Variants in EPB41L1 observed in about 807,000 individuals in gnomAD.
EPB41L1 encodes the protein erythrocyte membrane protein band 4.1 like 1.
A neutral mutation model predicts 97.8 loss-of-function variants in EPB41L1; 29 were observed. The observed-to-expected ratio is 0.30, with a 90% CI of 0.22 to 0.40. The LOEUF (loss-of-function observed/expected upper bound fraction) is 0.40. Ranked by LOEUF, EPB41L1 falls within the 10% of genes least tolerant of loss-of-function variation. The pLI is 1.00. For synonymous variants in EPB41L1, 383 were observed against 459.2 expected (o/e 0.83, Z 2.12); for missense variants, 812 against 1,162.3 (o/e 0.70, Z 4.38).
Position 36,204,575 on chromosome 20 carries a change from C to T in EPB41L1, c.1669-4913C>T, listed in dbSNP as rs545473629. Among the ~76,000 whole-genome samples, 32 of 151,074 alleles carry T rather than the reference C, an allele frequency of 2.1e-4. No individual in the cohort carries two copies. In the Middle Eastern group the frequency reaches 0.01, roughly 48 times the overall value. On this transcript the variant is annotated intron_variant, in intron 14 of 21. Transcript: ENST00000338074. Reference sequence around the variant, plus strand: ...TCTCGGCTCACCGCAACCTCTGCCCCGCAGGTCCAAGCAATTCTCCTGCCT... The same window carrying T: ...TCTCGGCTCACCGCAACCTCTGCCCTGCAGGTCCAAGCAATTCTCCTGCCT...
chr20:36,173,712 T>C, intron 1 of EPB41L1, 52 bp from the exon 2 acceptor site: 1 of 1,553,024 alleles, frequency 6.4e-7, no homozygotes, highest in Non-Finnish European at 8.9e-7. Context: ...CCTCTCGCTG[T>C]CATACCATTG....
At chr20:36,091,733 C>T (rs1343715705) in intron 1 of EPB41L1, 1 of 152,208 alleles carries the variant, frequency 6.6e-6, no homozygotes, top group Non-Finnish European at 1.5e-5. Context: ...GAGGCTCAGG[C>T]TCATTATTCC....
rs749926283 is a variant in EPB41L1 at position 36,219,767 on chromosome 20, G to A, written c.2362G>A (p.Gly788Arg). The A allele has an allele frequency of 2.7e-5, 44 of 1,613,934 alleles. No individual in the cohort carries two copies. Among genetic ancestry groups the A allele is most frequent in the East Asian group, 4.5e-5 (2 of 44,888 alleles). The change falls in exon 19 of 22, where the codon GGG becomes AGG. Residue 788 changes from glycine to arginine, a missense_variant. Around this residue, in one of 3 missense-constraint regions of EPB41L1, gnomAD observed 498 missense variants for 622.7 expected, o/e 0.80. Coordinates refer to ENST00000338074, the MANE Select transcript of EPB41L1 (RefSeq NM_012156.2). ...GGGTGGTTATATTCTGCAGATCATC[G>A]GGAAAGATGTCCTCACCAGCACCTA... Reference protein sequence around the residue: ...TEIRSLSPIIGKDVLTSTYGA... With the variant: ...TEIRSLSPIIRKDVLTSTYGA...
intron 2 of EPB41L1, among the ~76,000 whole-genome samples, chr20:36,123,185 G>T (rs1399389634): frequency 6.6e-6 from 1 of 151,978 alleles, no homozygotes; most frequent in Non-Finnish European, 1.5e-5. Flanking sequence ...GGGGGGAGGG[G>T]CAGAGGTAGA....
At position 36,229,647 on chromosome 20, in the gene EPB41L1, C is replaced by A; in HGVS notation, c.*307C>A. ...ATTGAAGAACTGGTGGGATTTTTTTCAAGAAAAAAAATTATATAATAACTA... is the reference window on the plus strand; with the variant it reads ...ATTGAAGAACTGGTGGGATTTTTTTAAAGAAAAAAAATTATATAATAACTA... On this transcript the variant is annotated 3_prime_UTR_variant, in exon 22 of 22. Coordinates refer to ENST00000338074, the MANE Select transcript of EPB41L1 (RefSeq NM_012156.2). The A allele has an allele frequency of 1.1e-5, 3 of 274,758 alleles. No homozygotes were observed. Among genetic ancestry groups the A allele is most frequent in the Non-Finnish European group, 2.0e-5 (3 of 147,024 alleles). The allele number at this position is 274,758 out of a possible 1,614,324, so 17.0% of individuals were successfully genotyped here.
At chr20:36,133,592 C>T (rs1280406100) in intron 2 of EPB41L1, among the ~76,000 whole-genome samples, 1 of 152,228 alleles carries the variant, frequency 6.6e-6, no homozygotes, top group African/African-American at 2.4e-5. Flanking sequence ...CACAGTGGCT[C>T]ATGCCTATAA....
rs979919653 is a variant in EPB41L1 at position 36,207,487 on chromosome 20, C to T, written c.1669-2001C>T. Reference sequence around the variant, plus strand: ...ATTTGAGACCCACGGAGCTGAAACTCGCCGAATGAGTGAGGGTGAAGCAAG... The same window carrying T: ...ATTTGAGACCCACGGAGCTGAAACTTGCCGAATGAGTGAGGGTGAAGCAAG... On this transcript the variant is annotated intron_variant, in intron 14 of 21. Transcript: ENST00000338074. The surrounding 1 kb of genome is among the most constrained non-coding windows in gnomAD (Gnocchi z 4.9). The T allele has an allele frequency of 1.2e-5, 16 of 1,289,698 alleles. No homozygotes were observed. The highest frequency in any genetic ancestry group is 2.5e-5 in the South Asian group (2 of 81,030). 79.9% of individuals were successfully genotyped at this position (1,289,698 alleles called of 1,614,324 possible). A position where few individuals can be genotyped will look rare whatever the true frequency, so the allele number is the denominator to read the frequency against.
At chr20:36,192,490 G>A (rs553238080) in intron 11 of EPB41L1, among the ~76,000 whole-genome samples, 30 of 134,972 alleles carry the variant, frequency 2.2e-4, no homozygotes, top group African/African-American at 8.0e-4. Flanking sequence ...AGATTGCACC[G>A]CCACTGTACT....
intron 17 of EPB41L1, among the ~76,000 whole-genome samples, chr20:36,216,746 CAG>C (rs1311388172): frequency 6.6e-6 from 1 of 152,094 alleles, no homozygotes; most frequent in Non-Finnish European, 1.5e-5. Flanking sequence ...CTGGGAGAGA[CAG>C]AGAGAGAAGG....
intron 2 of EPB41L1, among the ~76,000 whole-genome samples, chr20:36,119,944 C>T (rs17093377): frequency 0.04 from 6,097 of 152,174 alleles, 279 homozygotes; most frequent in East Asian, 0.13. Flanking sequence ...ACACGGTGAG[C>T]CTGATAGAGG....
At chr20:36,163,895 C>A (rs149677857) in intron 1 of EPB41L1, among the ~76,000 whole-genome samples, 1 of 152,202 alleles carries the variant, frequency 6.6e-6, no homozygotes, top group Non-Finnish European at 1.5e-5. Context: ...GAGTCTCTGT[C>A]GTCCAGGCTA....
At chr20:36,170,524 G>A (rs1474118861) in intron 1 of EPB41L1, among the ~76,000 whole-genome samples, 1 of 152,070 alleles carries the variant, frequency 6.6e-6, no homozygotes, top group African/African-American at 2.4e-5. Flanking sequence ...GAGTGGATAA[G>A]CCATCATTTC....
At position 36,209,458 on chromosome 20, in the gene EPB41L1, C is replaced by A; in HGVS notation, c.1669-30C>A. On this transcript the variant is annotated intron_variant, in intron 14 of 21. Transcript: ENST00000338074. The surrounding 1 kb of genome is among the most constrained non-coding windows in gnomAD (Gnocchi z 4.2). ...TTCTCTCTCTCTCCCCACCCCACATCCCCATTCTTTTGATTTTATCTGGCC... is the reference window on the plus strand; with the variant it reads ...TTCTCTCTCTCTCCCCACCCCACATACCCATTCTTTTGATTTTATCTGGCC... The A allele has an allele frequency of 6.2e-7, 1 of 1,610,684 alleles. No individual in the cohort carries two copies. The highest frequency in any genetic ancestry group is 8.5e-7 in the Non-Finnish European group (1 of 1,177,582).
At chr20:36,131,175 A>G (rs536458332) in intron 2 of EPB41L1, among the ~76,000 whole-genome samples, 10 of 151,928 alleles carry the variant, frequency 6.6e-5, no homozygotes, top group Admixed American at 5.9e-4. Context: ...GGGTTTCTCT[A>G]TGTTGGTCAG....
In EPB41L1 at chr20:36,187,687, C is replaced by T. The variant is rs753890218; in HGVS notation, c.797C>T (p.Pro266Leu). 18 of 1,613,950 alleles carry T rather than the reference C, an allele frequency of 1.1e-5. No individual in the cohort carries two copies. The highest frequency in any genetic ancestry group is 2.2e-5 in the South Asian group (2 of 91,038). The part of the protein sequence containing the change: ...ELHKTYRGMT[P>L]GEAEIHFLEN... ...TTTCTTTCCCTCAGGGGGATGACCC[C>T]GGGAGAAGCAGAAATCCACTTCTTA... Residue 266 changes from proline to leucine, a missense_variant, in exon 8 of 22, where the codon CCG (proline) becomes CTG (leucine). Pro to Leu is a moderately conservative substitution (Grantham distance 98). Coordinates refer to ENST00000338074, the MANE Select transcript of EPB41L1 (RefSeq NM_012156.2).
chr20:36,198,500 G>A (rs74983674), intron 14 of EPB41L1, among the ~76,000 whole-genome samples: 220 of 152,286 alleles, frequency 1.4e-3, no homozygotes, highest in African/African-American at 4.8e-3. Context: ...GTGAAAACAC[G>A]GATCGGGGAG....
At position 36,198,029 on chromosome 20, in the gene EPB41L1, G is replaced by A; in HGVS notation, c.1656G>A (p.Glu552=). The change falls in exon 14 of 22, where the codon GAG becomes GAA. Residue 552 remains glutamate, a synonymous_variant. Transcript: ENST00000338074. ...PASPSPKGTP[E]KANERAGLRE... ...CCCCCTCCCCCAAGGGCACCCCTGA[G>A]AAAGCCAATGAGGTAGGTGTCGCCC... 6.2e-7 allele frequency: 1 copy of A among 1,613,468 alleles called. No individual in the cohort carries two copies. Among genetic ancestry groups the A allele is most frequent in the Non-Finnish European group, 8.5e-7 (1 of 1,179,940 alleles).
rs1295490355 is a variant in EPB41L1 at position 36,206,270 on chromosome 20, A to G, written c.1669-3218A>G. The G allele has an allele frequency of 4.7e-6, 6 of 1,289,818 alleles. No homozygotes were observed. The highest frequency in any genetic ancestry group is 2.3e-5 in the Admixed American group (1 of 43,556). 79.9% of individuals were successfully genotyped at this position (1,289,818 alleles called of 1,614,324 possible). ...ATGTCAGATGGTCAGCCGGAGGGCC[A>G]GACAGAGCTGAGGAAGGGGCTGGAG... On this transcript the variant is annotated intron_variant, in intron 14 of 21. Transcript: ENST00000338074. This position sits in a 1 kb window ranked among gnomAD's most constrained non-coding sequence, Gnocchi z 5.5.
rs2146464714 is a variant in EPB41L1, at chr20:36,195,233, C to T, written c.1450-96C>T. 1 of 1,501,936 alleles carries T rather than the reference C, an allele frequency of 6.7e-7. No homozygotes were observed. Among genetic ancestry groups the T allele is most frequent in the Admixed American group, 1.7e-5 (1 of 58,530 alleles). The allele number at this position is 1,501,936 out of a possible 1,614,324, so 93.0% of individuals were successfully genotyped here. A position where few individuals can be genotyped will look rare whatever the true frequency, so the allele number is the denominator to read the frequency against. ...CTCCACTTGGTCGAGTGTGCGTGCT[C>T]TGGGCTCCTTGCTGGACCAAGCCCA... On this transcript the variant is annotated intron_variant, in intron 12 of 21. Coordinates refer to ENST00000338074, the MANE Select transcript of EPB41L1 (RefSeq NM_012156.2). This position sits in a 1 kb window ranked among gnomAD's most constrained non-coding sequence, Gnocchi z 4.6.
Sources: gnomAD v4.1 joint callset for allele counts (sites outside exome capture counted in the v4.1 genomes callset) on GRCh38, gnomAD v4.1.1 for gene constraint, gnomAD v4.1.1 regional missense constraint, Gnocchi (gnomAD v3.1) non-coding constraint, MANE v1.5 for transcripts, NCBI Gene and HGNC (gene_info 2026-07-23, HGNC 2026-07-21) for gene names.